OTUD4: variants seen among roughly 807,000 people sequenced by gnomAD.
OTUD4 encodes OTU domain-containing protein 4.
In OTUD4, 24 loss-of-function variants were observed where a neutral mutation model predicts 130.4. That is an observed-to-expected ratio of 0.18 (90% CI 0.13 to 0.26). The LOEUF (loss-of-function observed/expected upper bound fraction) is 0.26, where lower values mean the gene tolerates loss of function less well. Ranked by LOEUF, OTUD4 falls within the 10% of genes least tolerant of loss-of-function variation. The pLI is 1.00. For missense variants in OTUD4, 1,031 were observed against 1,329.4 expected (o/e 0.78, Z 3.49); for synonymous variants, 420 against 472.5 (o/e 0.89, Z 1.44).
intron 20 of OTUD4, 41 bp from the exon 21 acceptor site, chr4:145,138,691 A>T: frequency 1.3e-6 from 2 of 1,548,946 alleles, no homozygotes; most frequent in South Asian, 2.5e-5. Flanking sequence ...AAAGAGGAGA[A>T]AAAAGAGAGG....
rs1204495513 is a variant in OTUD4, at chr4:145,180,499, G to A, written c.-526C>T. On this transcript the variant is annotated 5_prime_UTR_variant, in exon 1 of 21. Transcript: ENST00000447906. ...CCACCTCGCTGGAGGGCGCCGGAGG[G>A]GCAGGGAGCGGGTGGGGGCGCCCGG... Among the ~76,000 whole-genome samples the A allele has an allele frequency of 2.0e-5, 3 of 152,250 alleles. No individual in the cohort carries two copies. Among genetic ancestry groups the A allele is most frequent in the Non-Finnish European group, 4.4e-5 (3 of 68,044 alleles).
Position 145,134,058 on chromosome 4 carries a change from C to T in OTUD4, c.*3372G>A, listed in dbSNP as rs1750124956. Reference sequence around the variant, plus strand: ...CAACCCCAAAGTTGCCGCTTCCCAGCATTAAGACATGCACCCACCCCTCTT... The same window carrying T: ...CAACCCCAAAGTTGCCGCTTCCCAGTATTAAGACATGCACCCACCCCTCTT... On this transcript the variant is annotated 3_prime_UTR_variant, in exon 21 of 21. Transcript: ENST00000447906. 6.6e-6 allele frequency: 1 copy of T among 152,608 alleles called. No individual in the cohort carries two copies. Among genetic ancestry groups the T allele is most frequent in the South Asian group, 2.1e-4 (1 of 4,828 alleles). 9.5% of individuals were successfully genotyped at this position (152,608 alleles called of 1,614,324 possible). A position where few individuals can be genotyped will look rare whatever the true frequency, so the allele number is the denominator to read the frequency against.
intron 2 of OTUD4, among the ~76,000 whole-genome samples, chr4:145,173,378 A>C (rs1752270090): frequency 6.6e-6 from 1 of 152,078 alleles, no homozygotes; most frequent in African/African-American, 2.4e-5. Flanking sequence ...TGGGCGACAG[A>C]GCGAGACTCT....
chr4:145,147,628 G>A (rs1248111484), intron 13 of OTUD4, among the ~76,000 whole-genome samples: 1 of 152,114 alleles, frequency 6.6e-6, no homozygotes, highest in Non-Finnish European at 1.5e-5. Flanking sequence ...GTATTTCCTG[G>A]ATAGCCACAT....
chr4:145,142,942 A>T (rs1750635325), intron 17 of OTUD4, among the ~76,000 whole-genome samples: 1 of 152,154 alleles, frequency 6.6e-6, no homozygotes, highest in South Asian at 2.1e-4. Context: ...TATTTTTCAA[A>T]CCTTTTCAAT....
At chr4:145,162,767 A>G in intron 5 of OTUD4, 46 bp from the exon 6 acceptor site, 1 of 935,150 alleles carries the variant, frequency 1.1e-6, no homozygotes, top group Non-Finnish European at 1.7e-6. Context: ...TCATACATAT[A>G]ACATTTACAT....
In OTUD4 at chr4:145,155,463, C is replaced by T. The variant is rs369308038; in HGVS notation, c.821G>A (p.Arg274His). The T allele has an allele frequency of 1.2e-4, 195 of 1,605,380 alleles. No individual in the cohort carries two copies. Among genetic ancestry groups the T allele is most frequent in the Non-Finnish European group, 1.5e-4 (179 of 1,178,340 alleles). ...WLKSKQAQQK[R>H]DYSIAAGLQY... ...TAAGCCAGCAGCAATGGAATAATCACGTTTTTGCTGAGCTGTTAAAAAAAA... is the reference window on the plus strand; with the variant it reads ...TAAGCCAGCAGCAATGGAATAATCATGTTTTTGCTGAGCTGTTAAAAAAAA... Residue 274 changes from arginine (R) to histidine (H), a missense_variant, in exon 10 of 21, where the codon CGT (arginine) becomes CAT (histidine). Physicochemically the swap from Arg to His is conservative, Grantham distance 29 (BLOSUM62 0). Around this residue, in one of 3 missense-constraint regions of OTUD4, gnomAD observed 900 missense variants for 1,095.9 expected, o/e 0.82. Transcript: ENST00000447906.
chr4:145,159,271 G>A, intron 7 of OTUD4: 2 of 1,323,154 alleles, frequency 1.5e-6, no homozygotes, highest in South Asian at 1.7e-5. Flanking sequence ...CTAGATTGCA[G>A]ACGTAAATTC....
In OTUD4 at chr4:145,147,283, T is replaced by G. The variant is rs140785392; in HGVS notation, c.1260-854A>C. On this transcript the variant is annotated intron_variant, in intron 13 of 20. Transcript: ENST00000447906. The stretch of plus-strand genomic sequence containing the variant: ...TTTAACCTCTGAAATAAATAGCCAT[T>G]TCATGTCCTTACACAGTCCCATTTA... 3.1e-3 allele frequency among the ~76,000 whole-genome samples: 470 copies of G among 152,268 alleles called. 2 individuals carry two copies. The highest frequency in any genetic ancestry group is 0.011 in the African/African-American group (461 of 41,550).
rs199938948 is a variant in OTUD4, at chr4:145,137,944, C to T, written c.2831G>A (p.Arg944Gln). 8.1e-5 allele frequency: 131 copies of T among 1,614,150 alleles called. No individual in the cohort carries two copies. Among genetic ancestry groups the T allele is most frequent in the South Asian group, 3.7e-4 (34 of 91,082 alleles). Residue 944 changes from arginine (R) to glutamine (Q), a missense_variant, in exon 21 of 21, where the codon CGA becomes CAA. Physicochemically the swap from Arg to Gln is conservative, Grantham distance 43 (BLOSUM62 1). Around this residue, in one of 3 missense-constraint regions of OTUD4, gnomAD observed 900 missense variants for 1,095.9 expected, o/e 0.82. Coordinates refer to ENST00000447906, the MANE Select transcript of OTUD4 (RefSeq NM_001366057.1). The part of the protein sequence containing the change: ...EGRTEQSSQT[R>Q]KADTALASIP... ...GGAAGCCAATGCCGTATCTGCCTTT[C>T]GTGTCTGGGAAGATTGCTCTGTCCG...
rs1431346230 is a variant in OTUD4, at chr4:145,174,795, C to A, written c.160-51G>T. ...CTATTAAGCATTTAGTTAAAAGTTA[C>A]AACCTAATGTCTTCTTTTACACCCA... On this transcript the variant is annotated intron_variant, in intron 1 of 20. Coordinates refer to ENST00000447906, the MANE Select transcript of OTUD4 (RefSeq NM_001366057.1). The A allele has an allele frequency of 3.1e-6, 3 of 971,002 alleles. No individual in the cohort carries two copies. The Admixed American group carries it at 5.3e-5, about 17-fold the overall frequency. 60.1% of individuals were successfully genotyped at this position (971,002 alleles called of 1,614,324 possible).
intron 4 of OTUD4, among the ~76,000 whole-genome samples, chr4:145,164,677 G>A (rs567816948): frequency 7.8e-4 from 119 of 152,118 alleles, no homozygotes; most frequent in African/African-American, 2.7e-3. Context: ...ATGCTCATTG[G>A]AGCATTTTGG....
intron 6 of OTUD4, among the ~76,000 whole-genome samples, chr4:145,162,359 C>G (rs562008957): frequency 6.6e-6 from 1 of 152,230 alleles, no homozygotes; most frequent in African/African-American, 2.4e-5. Context: ...CGAGACCACC[C>G]TGGCTAACAC....
chr4:145,174,782 TAGTTA>T, intron 1 of OTUD4, 38 bp from the exon 2 acceptor site: 1 of 1,178,964 alleles, frequency 8.5e-7, no homozygotes, highest in African/African-American at 1.5e-5. Flanking sequence ...ATTAAGCATT[TAGTTA>T]AAAGTTACAA....
Position 145,155,668 on chromosome 4 carries a change from T to C in OTUD4, c.709A>G (p.Asn237Asp). ...SGNEQLKNNG[N>D]STSLPLSRKV... ...CTAGACAAAGGCAGGCTAGTAGAGT[T>C]CCCATTGTTCTTCAGCTGCTAAACA... The change falls in exon 9 of 21, where the codon AAC becomes GAC. Residue 237 changes from asparagine (N) to aspartate (D), a missense_variant. By Grantham distance (23) the Asn-to-Asp change is conservative. Transcript: ENST00000447906. 6.2e-7 allele frequency: 1 copy of C among 1,604,042 alleles called. No individual in the cohort carries two copies. The highest frequency in any genetic ancestry group is 8.5e-7 in the Non-Finnish European group (1 of 1,175,196).
chr4:145,148,169 A>G (rs1443553566), intron 13 of OTUD4, among the ~76,000 whole-genome samples: 1 of 152,214 alleles, frequency 6.6e-6, no homozygotes, highest in Non-Finnish European at 1.5e-5. Context: ...AAGGATCCTA[A>G]TAAGATATGC....
chr4:145,179,438 G>A (rs912427609), intron 1 of OTUD4: 1 of 214,208 alleles, frequency 4.7e-6, no homozygotes, highest in Non-Finnish European at 8.9e-6. Flanking sequence ...ACTGGAGTGG[G>A]GTGAGCGTGG....
chr4:145,167,430 T>C (rs1432656974), intron 3 of OTUD4, among the ~76,000 whole-genome samples: 2 of 152,196 alleles, frequency 1.3e-5, no homozygotes, highest in East Asian at 1.9e-4. Flanking sequence ...CTAACAATCA[T>C]GGCTTCTCAC....
chr4:145,152,678 C>A, intron 10 of OTUD4, 43 bp from the exon 11 acceptor site: 1 of 1,086,546 alleles, frequency 9.2e-7, no homozygotes, highest in South Asian at 1.3e-5. Context: ...AAAAATCAGT[C>A]ACCTGCTTCC....
Sources: gnomAD v4.1 joint callset for allele counts (sites outside exome capture counted in the v4.1 genomes callset) on GRCh38, gnomAD v4.1.1 for gene constraint, gnomAD v4.1.1 regional missense constraint, MANE v1.5 for transcripts, NCBI Gene and HGNC (gene_info 2026-07-23, HGNC 2026-07-21) for gene names.